RANBP9: variants seen among roughly 807,000 people sequenced by gnomAD.
RANBP9 encodes the protein ran-binding protein 9.
Under a neutral mutation model 84.3 loss-of-function variants are expected in RANBP9, and 15 were observed. The ratio of observed to expected loss-of-function variants is 0.18; its 90% confidence interval spans 0.12 to 0.27. The LOEUF (loss-of-function observed/expected upper bound fraction) is 0.27. Ranked by LOEUF, RANBP9 falls within the 10% of genes least tolerant of loss-of-function variation. The pLI is 1.00. For synonymous variants in RANBP9, 392 were observed against 349.6 expected (o/e 1.12, Z -1.35); for missense variants, 809 against 912.8 (o/e 0.89, Z 1.46).
intron 5 of RANBP9, among the ~76,000 whole-genome samples, chr6:13,647,007 G>A (rs535610981): frequency 5.2e-4 from 79 of 152,286 alleles, no homozygotes; most frequent in African/African-American, 1.8e-3. Context: ...ATCAGATTAA[G>A]ACTTGAAAGG....
chr6:13,658,875 C>T (rs1208793298), intron 2 of RANBP9, 43 bp from the exon 3 acceptor site: 2 of 1,491,308 alleles, frequency 1.3e-6, no homozygotes. Context: ...GACATTATTA[C>T]AGTCATATAT....
intron 11 of RANBP9, among the ~76,000 whole-genome samples, 197 bp downstream of exon 11, chr6:13,634,234 T>G (rs1179510775): frequency 6.6e-6 from 1 of 152,212 alleles, no homozygotes; most frequent in Admixed American, 6.5e-5. Context: ...AAACACTGCC[T>G]GTAGCTGAAA....
intron 2 of RANBP9, among the ~76,000 whole-genome samples, chr6:13,684,480 T>C (rs1766121313): frequency 1.3e-5 from 2 of 152,228 alleles, no homozygotes; most frequent in Non-Finnish European, 2.9e-5. Context: ...TTCTTCCAAC[T>C]TACCTAACCT....
chr6:13,626,260 C>T (rs960489303), intron 12 of RANBP9, among the ~76,000 whole-genome samples: 1 of 152,220 alleles, frequency 6.6e-6, no homozygotes, highest in African/African-American at 2.4e-5. Flanking sequence ...CCTGTTTATG[C>T]ATTCAGTATT....
Position 13,621,564 on chromosome 6 carries a change from A to G in RANBP9, c.*798T>C, listed in dbSNP as rs1764446625. Reference sequence around the variant, plus strand: ...TACATTTTATTGCAATATAGTACTCATTTAAGCACTTAAAAATGGAAGGTG... The same window carrying G: ...TACATTTTATTGCAATATAGTACTCGTTTAAGCACTTAAAAATGGAAGGTG... On this transcript the variant is annotated 3_prime_UTR_variant, in exon 14 of 14. Transcript: ENST00000011619. 1 of 152,650 alleles carries G rather than the reference A, an allele frequency of 6.6e-6. No individual in the cohort carries two copies. Among genetic ancestry groups the G allele is most frequent in the Non-Finnish European group, 1.5e-5 (1 of 68,040 alleles). The allele number at this position is 152,650 out of a possible 1,614,324, so 9.5% of individuals were successfully genotyped here. A position where few individuals can be genotyped will look rare whatever the true frequency, so the allele number is the denominator to read the frequency against.
chr6:13,637,969 T>C lies in RANBP9; in HGVS notation c.1526-14A>G. On this transcript the variant is annotated splice_polypyrimidine_tract_variant and intron_variant, in intron 9 of 13. Transcript: ENST00000011619. ...AACTTTCAAAACCTGAAGAAAAAGA[T>C]ACCACGTAGAAACAGAAACAAACAC... is the stretch of plus-strand genomic sequence containing the variant. 5 of 1,583,118 alleles carry C rather than the reference T, an allele frequency of 3.2e-6. No individual in the cohort carries two copies. The highest frequency in any genetic ancestry group is 4.3e-6 in the Non-Finnish European group (5 of 1,167,688).
chr6:13,636,894 C>T (rs1359292093), intron 10 of RANBP9, among the ~76,000 whole-genome samples: 1 of 152,092 alleles, frequency 6.6e-6, no homozygotes, highest in East Asian at 1.9e-4. Context: ...TCTGCAAAAT[C>T]ATATTTCCAT....
chr6:13,693,391 A>T (rs1300054923), intron 2 of RANBP9, among the ~76,000 whole-genome samples: 1 of 152,042 alleles, frequency 6.6e-6, no homozygotes, highest in East Asian at 1.9e-4. Context: ...TAAAAATTTA[A>T]AAAAAAATGA....
chr6:13,705,408 A>AAAT (rs1758081686), intron 1 of RANBP9, among the ~76,000 whole-genome samples: 1 of 127,092 alleles, frequency 7.9e-6, no homozygotes, highest in Non-Finnish European at 1.6e-5. Context: ...TTCTGTCTCA[A>AAAT]AAAAAAAAAA....
chr6:13,697,512 T>C (rs1757867642), intron 1 of RANBP9, among the ~76,000 whole-genome samples: 1 of 152,220 alleles, frequency 6.6e-6, no homozygotes, highest in Non-Finnish European at 1.5e-5. Context: ...TATTTTTTTC[T>C]TTTTAAACAA....
intron 1 of RANBP9, among the ~76,000 whole-genome samples, chr6:13,699,104 G>A (rs1461411700): frequency 1.3e-5 from 2 of 151,922 alleles, no homozygotes; most frequent in Non-Finnish European, 2.9e-5. Flanking sequence ...TCTGTAATCT[G>A]TCATGGGCCT....
chr6:13,709,792 C>A (rs1373837133), intron 1 of RANBP9, among the ~76,000 whole-genome samples: 2 of 152,230 alleles, frequency 1.3e-5, no homozygotes, highest in African/African-American at 4.8e-5. Flanking sequence ...TATCAAGCTT[C>A]TTCTCAAATT....
intron 2 of RANBP9, among the ~76,000 whole-genome samples, chr6:13,667,994 A>C (rs1765689455): frequency 6.6e-6 from 1 of 152,136 alleles, no homozygotes; most frequent in African/African-American, 2.4e-5. Context: ...GGAATTATAA[A>C]GATTAGGGGA....
intron 6 of RANBP9, among the ~76,000 whole-genome samples, chr6:13,643,250 G>A (rs1225251512): frequency 6.6e-6 from 1 of 152,134 alleles, no homozygotes; most frequent in Non-Finnish European, 1.5e-5. Flanking sequence ...ACATTTCCAA[G>A]ACAATAATCT....
At chr6:13,665,524 CAT>C (rs1285910947) in intron 2 of RANBP9, among the ~76,000 whole-genome samples, 2 of 152,176 alleles carry the variant, frequency 1.3e-5, no homozygotes, top group Non-Finnish European at 2.9e-5. Context: ...CAGGAACTTT[CAT>C]ATGTTTTTGG....
intron 2 of RANBP9, among the ~76,000 whole-genome samples, chr6:13,660,745 A>G (rs759571770): frequency 5.5e-4 from 84 of 152,354 alleles, no homozygotes; most frequent in Non-Finnish European, 9.7e-4. Context: ...CAATATTACT[A>G]CTATGAGCAT....
intron 4 of RANBP9, among the ~76,000 whole-genome samples, chr6:13,655,831 C>G (rs1412761381): frequency 1.3e-5 from 2 of 152,134 alleles, no homozygotes; most frequent in African/African-American, 4.8e-5. Context: ...TATGAACAGT[C>G]AGAATAGTAA....
At chr6:13,624,332 A>G (rs1335678598) in intron 13 of RANBP9, among the ~76,000 whole-genome samples, 1 of 152,144 alleles carries the variant, frequency 6.6e-6, no homozygotes, top group Non-Finnish European at 1.5e-5. Context: ...AAGTCTCCCT[A>G]TCTAAACTAC....
intron 2 of RANBP9, among the ~76,000 whole-genome samples, chr6:13,663,190 T>A (rs953440612): frequency 7.9e-5 from 12 of 151,980 alleles, no homozygotes; most frequent in African/African-American, 2.9e-4. Context: ...AAACGACATA[T>A]TACTTTCACA....
Sources: allele counts gnomAD v4.1 joint callset (sites outside exome capture counted in the v4.1 genomes callset), GRCh38; gene constraint gnomAD v4.1.1; transcripts MANE v1.5; gene names NCBI Gene and HGNC (gene_info 2026-07-23, HGNC 2026-07-21).